ADAMTS12: variants seen among roughly 807,000 people sequenced by gnomAD.
ADAMTS12 encodes ADAM metallopeptidase with thrombospondin type 1 motif 12, also known as A disintegrin and metalloproteinase with thrombospondin motifs 12.
In ADAMTS12, 118 loss-of-function variants were observed where a neutral mutation model predicts 167.8. The observed-to-expected ratio is 0.70, with a 90% CI of 0.61 to 0.82. ADAMTS12 has a LOEUF of 0.82. Ranked by LOEUF, ADAMTS12 falls within the 40% of genes least tolerant of loss-of-function variation. ADAMTS12 has a pLI of 0.00. For missense variants in ADAMTS12, 1,916 were observed against 1,998.8 expected, an observed-to-expected ratio of 0.96 and a Z score of 0.79; for synonymous variants, 704 against 716.9, an observed-to-expected ratio of 0.98 and a Z score of 0.29.
rs755678876 is a variant in ADAMTS12, at chr5:33,588,823, T to C, written c.2655-14A>G. On this transcript the variant is annotated splice_polypyrimidine_tract_variant and intron_variant, in intron 17 of 23. Transcript: ENST00000504830. ...CCTGCCCACCACCTGCAGGCAAACATGGATATGTGAGAGAAGATCGCCAAC... is the reference window on the plus strand; with the variant it reads ...CCTGCCCACCACCTGCAGGCAAACACGGATATGTGAGAGAAGATCGCCAAC... The C allele has an allele frequency of 5.6e-6, 9 of 1,611,596 alleles. No individual in the cohort carries two copies. The Admixed American group carries it at 1.2e-4, about 21-fold the overall frequency.
intron 2 of ADAMTS12, among the ~76,000 whole-genome samples, chr5:33,782,950 C>G (rs1157437924): frequency 2.0e-5 from 3 of 151,964 alleles, no homozygotes; most frequent in African/African-American, 7.2e-5. Flanking sequence ...CAGAACATTT[C>G]CCTCATAAAA....
intron 2 of ADAMTS12, among the ~76,000 whole-genome samples, chr5:33,813,271 C>T (rs1249214370): frequency 6.6e-6 from 1 of 152,162 alleles, no homozygotes; most frequent in African/African-American, 2.4e-5. Context: ...CCATCTGGAT[C>T]GGTATGTAGT....
At chr5:33,708,872 C>A (rs1743290001) in intron 3 of ADAMTS12, among the ~76,000 whole-genome samples, 1 of 151,934 alleles carries the variant, frequency 6.6e-6, no homozygotes, top group Non-Finnish European at 1.5e-5. Flanking sequence ...GTGCAGCAAA[C>A]CACCATGGCA....
At chr5:33,644,039 C>T (rs1740572247) in intron 9 of ADAMTS12, among the ~76,000 whole-genome samples, 1 of 152,188 alleles carries the variant, frequency 6.6e-6, no homozygotes, top group Non-Finnish European at 1.5e-5. Flanking sequence ...TTCTCAGATG[C>T]CATCTGAAAT....
chr5:33,587,841 T>C (rs1329748473), intron 18 of ADAMTS12, among the ~76,000 whole-genome samples: 1 of 147,344 alleles, frequency 6.8e-6, no homozygotes, highest in Non-Finnish European at 1.5e-5. Context: ...TTAAAAAACA[T>C]GTATTTTCTA....
At chr5:33,547,422 T>C (rs188898869) in intron 21 of ADAMTS12, among the ~76,000 whole-genome samples, 22 of 152,140 alleles carry the variant, frequency 1.4e-4, no homozygotes, top group African/African-American at 5.3e-4. Context: ...ACCACTGGTG[T>C]AGAGATGGTC....
chr5:33,693,999 A>G (rs1742655062), intron 3 of ADAMTS12, among the ~76,000 whole-genome samples: 1 of 152,188 alleles, frequency 6.6e-6, no homozygotes, highest in Admixed American at 6.5e-5. Flanking sequence ...CAGCATTTCT[A>G]TATACCAACA....
chr5:33,688,927 C>T (rs67600960), intron 3 of ADAMTS12, among the ~76,000 whole-genome samples: 34,135 of 152,018 alleles, frequency 0.22, 4,010 homozygotes, highest in East Asian at 0.42. Context: ...ATTACTACTG[C>T]CTTGTTTGAG....
Position 33,614,349 on chromosome 5 carries a change from TGCC to T in ADAMTS12, c.2413_2415del (p.Gly805del), listed in dbSNP as rs1483893069. The stretch of plus-strand genomic sequence containing the variant: ...TTCTGGATTGTGTACTCATACTTGA[TGCC>T]AGGGTTAGTCACCTGGAATAGAAGC... On this transcript the variant is annotated inframe_deletion, in exon 16 of 24. Transcript: ENST00000504830. 1 of 1,614,134 alleles carries T rather than the reference TGCC, an allele frequency of 6.2e-7. No homozygotes were observed. Among genetic ancestry groups the T allele is most frequent in the Non-Finnish European group, 8.5e-7 (1 of 1,179,976 alleles).
At chr5:33,770,638 C>T (rs555951583) in intron 2 of ADAMTS12, among the ~76,000 whole-genome samples, 6 of 152,080 alleles carry the variant, frequency 3.9e-5, no homozygotes, top group South Asian at 2.1e-4. Flanking sequence ...TGTTATTTCA[C>T]GGTCTCTGCC....
chr5:33,646,070 G>A (rs1740652239), intron 9 of ADAMTS12, among the ~76,000 whole-genome samples: 1 of 152,154 alleles, frequency 6.6e-6, no homozygotes, highest in African/African-American at 2.4e-5. Context: ...AGAGGTTGTG[G>A]AGAACCCAGC....
chr5:33,730,855 C>T (rs1242010714), intron 3 of ADAMTS12, among the ~76,000 whole-genome samples: 2 of 152,190 alleles, frequency 1.3e-5, no homozygotes, highest in Admixed American at 1.3e-4. Context: ...CAATTATTGT[C>T]CTGAAGTTCT....
chr5:33,574,738 A>G (rs962369675), intron 19 of ADAMTS12, among the ~76,000 whole-genome samples: 11 of 152,094 alleles, frequency 7.2e-5, no homozygotes, highest in Non-Finnish European at 8.8e-5. Context: ...CCTAAAACTT[A>G]AAAGTATAAT....
Position 33,641,956 on chromosome 5 carries a change from C to A in ADAMTS12, c.1573-1G>T. The A allele has an allele frequency of 6.2e-7, 1 of 1,609,938 alleles. No homozygotes were observed. Among genetic ancestry groups the A allele is most frequent in the Non-Finnish European group, 8.5e-7 (1 of 1,177,320 alleles). ...TGATGCACTTGCCTGCCATACACCA[C>A]TGGAAAGGGAAGAGGCAGGAGATGG... On this transcript the variant is annotated splice_acceptor_variant, in intron 10 of 23. Transcript: ENST00000504830. LOFTEE classifies it high-confidence loss of function.
At chr5:33,800,456 A>G (rs1020149760) in intron 2 of ADAMTS12, among the ~76,000 whole-genome samples, 3 of 152,204 alleles carry the variant, frequency 2.0e-5, no homozygotes, top group Non-Finnish European at 4.4e-5. Flanking sequence ...AAACTTGGAC[A>G]TGATCCACAA....
Position 33,637,690 on chromosome 5 carries a change from T to C in ADAMTS12, c.1775A>G (p.Asn592Ser), listed in dbSNP as rs1300269096. ...TGERKRYRLC[N>S]VHPCRSEAPT... ...TGCCTCTGAGCGACAGGGGTGGACG[T>C]TGCACAAGCGATAGCGTTTTCTTTC... is the stretch of plus-strand genomic sequence containing the variant. Residue 592 changes from asparagine to serine, a missense_variant, in exon 12 of 24, where the codon AAC becomes AGC. By Grantham distance (46) the Asn-to-Ser change is conservative (BLOSUM62 1). Coordinates refer to ENST00000504830, the MANE Select transcript of ADAMTS12 (RefSeq NM_030955.4). 1.9e-6 allele frequency: 3 copies of C among 1,613,730 alleles called. No homozygotes were observed. The highest frequency in any genetic ancestry group is 2.2e-5 in the South Asian group (2 of 91,074).
chr5:33,768,168 A>G (rs1013365880), intron 2 of ADAMTS12, among the ~76,000 whole-genome samples: 5 of 152,220 alleles, frequency 3.3e-5, no homozygotes, highest in Admixed American at 6.5e-5. Flanking sequence ...TCTCCATGCT[A>G]TGGAAGAGGG....
chr5:33,608,403 T>C (rs1002964067), intron 16 of ADAMTS12, among the ~76,000 whole-genome samples: 1 of 152,242 alleles, frequency 6.6e-6, no homozygotes, highest in African/African-American at 2.4e-5. Flanking sequence ...AAGATTTTAA[T>C]GACTACAATT....
In ADAMTS12 at chr5:33,891,730, C is replaced by A; in HGVS notation, c.127G>T (p.Glu43Ter). ...AAAGAAATAAAGAAGAGTCACTAAC[C>A]TTGCCTCCTGTCCGGGAAGCGAACC... The part of the protein sequence containing the change: ...GPVRFPDRRQ[E>*]HFIKGLPEYH... Residue 43 changes from glutamate (E) to a stop codon, truncating the protein, a stop_gained and splice_region_variant, in exon 1 of 24, where the codon GAG (glutamate) becomes TAG (stop). Transcript: ENST00000504830. LOFTEE classifies it high-confidence loss of function. 6.2e-7 allele frequency: 1 copy of A among 1,614,174 alleles called. No homozygotes were observed. Among genetic ancestry groups the A allele is most frequent in the Non-Finnish European group, 8.5e-7 (1 of 1,180,028 alleles).
Sources: allele counts gnomAD v4.1 joint callset (sites outside exome capture counted in the v4.1 genomes callset), GRCh38; gene constraint gnomAD v4.1.1; transcripts MANE v1.5; gene names NCBI Gene and HGNC (gene_info 2026-07-23, HGNC 2026-07-21).